Variants in KIF14 observed in about 807,000 individuals in gnomAD.
The protein encoded by KIF14 is kinesin family member 14, also known as kinesin-like protein KIF14.
In KIF14, 98 loss-of-function variants were observed where a neutral mutation model predicts 176.2. The observed-to-expected ratio is 0.56, with a 90% CI of 0.47 to 0.66. The LOEUF is 0.66. KIF14 is among the 30% of genes least tolerant of loss of function. The pLI is 0.00. For missense variants in KIF14, 1,751 were observed against 1,920.4 expected (o/e 0.91, Z 1.65); for synonymous variants, 566 against 632.2 (o/e 0.90, Z 1.57).
Position 200,553,713 on chromosome 1 carries a change from A to G in KIF14, c.4622T>C (p.Leu1541Ser). 6.2e-7 allele frequency: 1 copy of G among 1,612,064 alleles called. No homozygotes were observed. The highest frequency in any genetic ancestry group is 8.5e-7 in the Non-Finnish European group (1 of 1,178,440). ...LQTCVESIRN[L>S]ASDFYSDFSV... ...GAAGTCACTGTAAAAATCACTGGCC[A>G]AGTTGCGAATACTTTCAACACAAGT... The change falls in exon 30 of 30, where the codon TTG becomes TCG. Residue 1541 changes from leucine (L) to serine (S), a missense_variant. Transcript: ENST00000367350.
At chr1:200,616,051 A>G (rs1170328695) in intron 2 of KIF14, among the ~76,000 whole-genome samples, 1 of 152,176 alleles carries the variant, frequency 6.6e-6, no homozygotes, top group Non-Finnish European at 1.5e-5. Context: ...TTCAATCATA[A>G]GTCTCTCTTG....
rs565482805 is a variant in KIF14, at chr1:200,589,603, T to C, written c.2962-234A>G. Among the ~76,000 whole-genome samples the C allele has an allele frequency of 4.6e-5, 7 of 151,350 alleles. No individual in the cohort carries two copies. In the South Asian group the frequency reaches 1.5e-3, roughly 31 times the overall value. ...TGGAGACAGCCATGACTCAAGCGGC[T>C]AGAGGACAGAAGTTTCTCTTTATTT... On this transcript the variant is annotated intron_variant, in intron 17 of 29. Transcript: ENST00000367350.
chr1:200,603,802 TA>T, intron 9 of KIF14, 36 bp downstream of exon 9: 1 of 1,278,916 alleles, frequency 7.8e-7, no homozygotes, highest in Non-Finnish European at 1.1e-6. Context: ...ACCTCAGGAA[TA>T]AATTTCATCA....
chr1:200,604,009 A>C lies in KIF14; in HGVS notation c.1747-54T>G. 15 of 1,077,720 alleles carry C rather than the reference A, an allele frequency of 1.4e-5. No homozygotes were observed. The South Asian group carries it at 1.9e-4, about 14-fold the overall frequency. The allele number at this position is 1,077,720 out of a possible 1,614,324, so 66.8% of individuals were successfully genotyped here. ...AAGTTCTATTACTTCCAATCAATAT[A>C]GGTTTTTTTAAAGGGAAAGCTGTAA... On this transcript the variant is annotated intron_variant, in intron 8 of 29. Transcript: ENST00000367350.
Position 200,615,394 on chromosome 1 carries a change from A to G in KIF14, c.1328T>C (p.Leu443Pro). The G allele has an allele frequency of 1.2e-6, 2 of 1,613,846 alleles. No homozygotes were observed. The highest frequency in any genetic ancestry group is 1.7e-6 in the Non-Finnish European group (2 of 1,179,872). Residue 443 changes from leucine (L) to proline (P), a missense_variant, in exon 3 of 30, where the codon CTT (leucine) becomes CCT (proline). Transcript: ENST00000367350. ...ERAFEGFNTC[L>P]FAYGQTGSGK... ...AGAGCCAGTCTGACCATAAGCAAAA[A>G]GACAGGTATTGAAGCCTTCGAAGGC...
At chr1:200,572,391 C>G (rs1657843222) in intron 22 of KIF14, among the ~76,000 whole-genome samples, 1 of 152,168 alleles carries the variant, frequency 6.6e-6, no homozygotes, top group Non-Finnish European at 1.5e-5. Context: ...ATCGCCCAGG[C>G]TGGAGTGCAG....
At chr1:200,611,531 G>A (rs372929934) in intron 4 of KIF14, among the ~76,000 whole-genome samples, 2 of 152,288 alleles carry the variant, frequency 1.3e-5, no homozygotes, top group South Asian at 2.1e-4. Context: ...CAATAAACAC[G>A]TAATAATGCT....
intron 22 of KIF14, among the ~76,000 whole-genome samples, chr1:200,570,756 A>C (rs529269720): frequency 6.6e-6 from 1 of 152,206 alleles, no homozygotes; most frequent in East Asian, 1.9e-4. Flanking sequence ...ATTTTCTTTC[A>C]ACTTTGATTT....
chr1:200,601,579 G>T (rs1173549989), intron 11 of KIF14, among the ~76,000 whole-genome samples: 1 of 152,180 alleles, frequency 6.6e-6, no homozygotes, highest in Non-Finnish European at 1.5e-5. Context: ...GGTCATAAGA[G>T]AAAAATAGTA....
At position 200,602,059 on chromosome 1, in the gene KIF14, T is replaced by G; in HGVS notation, c.1989A>C (p.Lys663Asn). ...YRESVLTWLL[K>N]ESLGGNSKTA... is the part of the protein sequence containing the mutation. Reference sequence around the variant, plus strand: ...TTTTTGAATTTCCACCCAGACTTTCTTTTAACAGCCTACAAGAAAAAAAGT... The same window carrying G: ...TTTTTGAATTTCCACCCAGACTTTCGTTTAACAGCCTACAAGAAAAAAAGT... Residue 663 changes from lysine to asparagine, a missense_variant, in exon 11 of 30, where the codon AAA (lysine) becomes AAC (asparagine). Lys to Asn is a moderately conservative substitution (Grantham distance 94, BLOSUM62 0). Coordinates refer to ENST00000367350, the MANE Select transcript of KIF14 (RefSeq NM_014875.3). 1 of 1,611,100 alleles carries G rather than the reference T, an allele frequency of 6.2e-7. No homozygotes were observed. The highest frequency in any genetic ancestry group is 1.3e-5 in the African/African-American group (1 of 74,890).
Position 200,608,898 on chromosome 1 carries a change from CA to C in KIF14, c.1485del (p.Phe495LeufsTer25). On this transcript the variant is annotated frameshift_variant, in exon 5 of 30. Coordinates refer to ENST00000367350, the MANE Select transcript of KIF14 (RefSeq NM_014875.3). LOFTEE classifies it high-confidence loss of function. ...EVSYHIEMSF[F>X]EVYNEKIHDL... ...TCGTGAATTTTTTCATTATATACTT[CA>C]AAGAAGCTCATTTCAATGTGATAGC... 6.2e-7 allele frequency: 1 copy of C among 1,607,348 alleles called. No homozygotes were observed. Among genetic ancestry groups the C allele is most frequent in the Non-Finnish European group, 8.5e-7 (1 of 1,174,524 alleles).
At chr1:200,590,814 C>T (rs528374060) in intron 16 of KIF14, among the ~76,000 whole-genome samples, 3 of 152,138 alleles carry the variant, frequency 2.0e-5, no homozygotes, top group East Asian at 1.9e-4. Flanking sequence ...TGCTTGAGCT[C>T]AGGAGTTCGA....
At chr1:200,562,002 G>C (rs1252808315) in intron 25 of KIF14, among the ~76,000 whole-genome samples, 4 of 152,250 alleles carry the variant, frequency 2.6e-5, no homozygotes, top group African/African-American at 9.6e-5. Context: ...ATATAAAAAA[G>C]GAATGAGGAA....
chr1:200,574,710 C>T (rs1657997720), intron 22 of KIF14, among the ~76,000 whole-genome samples: 1 of 152,194 alleles, frequency 6.6e-6, no homozygotes, highest in Admixed American at 6.5e-5. Flanking sequence ...TCTCTATAAT[C>T]TAAGCATCTG....
chr1:200,576,477 C>CA (rs34294441), intron 21 of KIF14, among the ~76,000 whole-genome samples: 4,364 of 87,236 alleles, frequency 0.05, 108 homozygotes, highest in Non-Finnish European at 0.065. Context: ...GACTCCGTCT[C>CA]AAAAAAAAAA....
At chr1:200,574,092 T>C (rs1030184885) in intron 22 of KIF14, among the ~76,000 whole-genome samples, 1 of 152,136 alleles carries the variant, frequency 6.6e-6, no homozygotes, top group Non-Finnish European at 1.5e-5. Context: ...GTAATGACAA[T>C]ATCTACTTCA....
Position 200,618,645 on chromosome 1 carries a change from G to A in KIF14, c.79C>T (p.Leu27=), listed in dbSNP as rs147030096. The A allele has an allele frequency of 1.2e-4, 196 of 1,613,884 alleles. 1 individual carries two copies. The African/African-American group carries it at 2.5e-3, about 20-fold the overall frequency. Reference sequence around the variant, plus strand: ...CGGCTACTGTGGGTGAGGGCATTCAGTGATGAACTATTTTGGGAAGAAGGA... The same window carrying A: ...CGGCTACTGTGGGTGAGGGCATTCAATGATGAACTATTTTGGGAAGAAGGA... ...DIPSSQNSSS[L]NALTHSSRLK... The change falls in exon 2 of 30, where the codon CTG becomes TTG. Residue 27 remains leucine, a synonymous_variant. Coordinates refer to ENST00000367350, the MANE Select transcript of KIF14 (RefSeq NM_014875.3).
chr1:200,619,558 G>A (rs913392930), intron 1 of KIF14, among the ~76,000 whole-genome samples: 1 of 152,098 alleles, frequency 6.6e-6, no homozygotes, highest in South Asian at 2.1e-4. Flanking sequence ...TCACCATGTT[G>A]GCCAGGATGG....
chr1:200,591,984 C>T (rs1659077288), intron 16 of KIF14, 96 bp downstream of exon 16: 6 of 1,024,008 alleles, frequency 5.9e-6, no homozygotes, highest in African/African-American at 1.6e-5. Context: ...GAAACCAGCA[C>T]CCAAAGAGTT....
Sources: allele counts gnomAD v4.1 joint callset (sites outside exome capture counted in the v4.1 genomes callset), GRCh38; gene constraint gnomAD v4.1.1; transcripts MANE v1.5; gene names NCBI Gene and HGNC (gene_info 2026-07-23, HGNC 2026-07-21).